Variants in BSN observed in about 807,000 individuals in gnomAD.
BSN encodes bassoon presynaptic cytomatrix protein.
Under a neutral mutation model 264.8 loss-of-function variants are expected in BSN, and 57 were observed. The observed-to-expected ratio is 0.22, with a 90% CI of 0.17 to 0.27. BSN has a LOEUF of 0.27. Ranked by LOEUF, BSN falls within the 10% of genes least tolerant of loss-of-function variation. The pLI is 1.00. For missense variants in BSN, 4,615 were observed against 5,232.5 expected (o/e 0.88, Z 3.64); for synonymous variants, 2,059 against 2,137.3 (o/e 0.96, Z 1.01).
intron 5 of BSN, among the ~76,000 whole-genome samples, chr3:49,658,831 T>G (rs2052632025): frequency 6.6e-6 from 1 of 152,166 alleles, no homozygotes; most frequent in South Asian, 2.1e-4. Flanking sequence ...TGGTTGTGGC[T>G]TTATTTGCCA....
In BSN at chr3:49,664,485, G is replaced by C. The variant is rs760457608; in HGVS notation, c.11671G>C (p.Asp3891His). The C allele has an allele frequency of 1.9e-6, 3 of 1,613,116 alleles. No individual in the cohort carries two copies. Among genetic ancestry groups the C allele is most frequent in the African/African-American group, 1.3e-5 (1 of 75,026 alleles). ...PGAPAGQPGADGESVFSKILP... is the reference protein window; with the variant it reads ...PGAPAGQPGAHGESVFSKILP... ...GGCTCCCGCCGGCCAGCCAGGTGCCGATGGGGAGAGCGTGTTCTCCAAGAT... is the reference window on the plus strand; with the variant it reads ...GGCTCCCGCCGGCCAGCCAGGTGCCCATGGGGAGAGCGTGTTCTCCAAGAT... Residue 3891 changes from aspartate (D) to histidine (H), a missense_variant, in exon 9 of 12, where the codon GAT becomes CAT. Physicochemically the swap from Asp to His is moderately conservative, Grantham distance 81. Around this residue, in one of 3 missense-constraint regions of BSN, gnomAD observed 3,415 missense variants for 3,866.4 expected, o/e 0.88. Coordinates refer to ENST00000296452, the MANE Select transcript of BSN (RefSeq NM_003458.4).
At chr3:49,554,870 T>C in intron 1 of BSN, 44 bp downstream of exon 1, 3 of 1,088,960 alleles carry the variant, frequency 2.8e-6, no homozygotes, top group Non-Finnish European at 3.4e-6. Flanking sequence ...AGCTGCAGCC[T>C]GAGGCCGGGA....
rs926999002 is a variant in BSN at position 49,638,086 on chromosome 3, C to T, written c.634-4182C>T. 1.3e-5 allele frequency among the ~76,000 whole-genome samples: 2 copies of T among 152,240 alleles called. No individual in the cohort carries two copies. The highest frequency in any genetic ancestry group is 4.8e-5 in the African/African-American group (2 of 41,462). ...TCAGGATCTTGGAGGTATTAGACAG[C>T]AGAACCCTAGCTGAGGCTTCTTGTC... is the stretch of plus-strand genomic sequence containing the variant. On this transcript the variant is annotated intron_variant, in intron 2 of 11. Coordinates refer to ENST00000296452, the MANE Select transcript of BSN (RefSeq NM_003458.4). This position sits in a 1 kb window ranked among gnomAD's most constrained non-coding sequence, Gnocchi z 4.3.
chr3:49,657,008 T>C lies in BSN; in HGVS notation c.7452T>C (p.Pro2484=). 6.8e-6 allele frequency: 11 copies of C among 1,610,436 alleles called. No homozygotes were observed. The highest frequency in any genetic ancestry group is 9.3e-6 in the Non-Finnish European group (11 of 1,177,810). The change falls in exon 5 of 12, where the codon CCT becomes CCC. Residue 2484 remains proline, a synonymous_variant. Transcript: ENST00000296452. ...CCTTTCCTGCAGCCTGTGAGGCACC[T>C]GGCCGAGGGCCTCCCCTAGCGGCTG... ...KAPFPAACEA[P]GRGPPLAAAE... is the part of the protein sequence containing the mutation.
intron 2 of BSN, chr3:49,641,494 C>T (rs1290700512): frequency 6.6e-6 from 1 of 152,200 alleles, no homozygotes; most frequent in Non-Finnish European, 1.5e-5. Context: ...ATGTGTTTAT[C>T]ACATGGATAG....
chr3:49,633,896 G>A (rs1409488935), intron 2 of BSN, among the ~76,000 whole-genome samples: 1 of 152,174 alleles, frequency 6.6e-6, no homozygotes, highest in Non-Finnish European at 1.5e-5. Flanking sequence ...AAGTAGAATG[G>A]TAGTTGTCAA....
At chr3:49,631,557 C>CA (rs1289540648) in intron 2 of BSN, among the ~76,000 whole-genome samples, 3,566 of 67,612 alleles carry the variant, frequency 0.053, 121 homozygotes, top group African/African-American at 0.14. Context: ...GACTCTGTCT[C>CA]AAAAAAAAAA....
chr3:49,663,750 C>G (rs761979505), intron 7 of BSN, 37 bp from the exon 8 acceptor site: 48 of 1,612,866 alleles, frequency 3.0e-5, no homozygotes, highest in Non-Finnish European at 3.6e-5. Flanking sequence ...CCAGGCTGGG[C>G]ATGGGCAGAA....
At chr3:49,605,597 ATATATAT>A (rs2052121523) in intron 1 of BSN, among the ~76,000 whole-genome samples, 1 of 18,530 alleles carries the variant, frequency 5.4e-5, no homozygotes, top group Admixed American at 1.2e-3. Flanking sequence ...TTTATATATA[ATATATAT>A]TATATATTAT....
At chr3:49,566,366 A>G (rs1467898691) in intron 1 of BSN, among the ~76,000 whole-genome samples, 1 of 152,184 alleles carries the variant, frequency 6.6e-6, no homozygotes, top group East Asian at 1.9e-4. Context: ...ATAAACTGGT[A>G]GTTAGATCTA....
rs1575455811 is a variant in BSN, at chr3:49,670,888, C to T, written c.*3403C>T. 6.6e-6 allele frequency: 1 copy of T among 152,210 alleles called. No homozygotes were observed. The highest frequency in any genetic ancestry group is 1.5e-5 in the Non-Finnish European group (1 of 68,044). 9.4% of individuals were successfully genotyped at this position (152,210 alleles called of 1,614,324 possible). A position where few individuals can be genotyped will look rare whatever the true frequency, so the allele number is the denominator to read the frequency against. On this transcript the variant is annotated 3_prime_UTR_variant, in exon 12 of 12. Transcript: ENST00000296452. ...CTGTAGGGAGTTTTCCAGGCAGGTC[C>T]TTTGCCAGGACAGCATGGTCCTGCC...
At chr3:49,567,000 A>T (rs2051756850) in intron 1 of BSN, among the ~76,000 whole-genome samples, 1 of 152,076 alleles carries the variant, frequency 6.6e-6, no homozygotes, top group Admixed American at 6.6e-5. Context: ...TGCACCAAAC[A>T]TTTATTAAAC....
chr3:49,568,150 G>C (rs908854824), intron 1 of BSN, among the ~76,000 whole-genome samples: 1 of 152,164 alleles, frequency 6.6e-6, no homozygotes, highest in Non-Finnish European at 1.5e-5. Flanking sequence ...TAAAAGGAGG[G>C]GACGTGGACT....
At chr3:49,587,887 T>TTTTAATTTTC (rs1553659702) in intron 1 of BSN, among the ~76,000 whole-genome samples, 1 of 121,598 alleles carries the variant, frequency 8.2e-6, no homozygotes, top group Non-Finnish European at 1.7e-5. Flanking sequence ...AAAGTTGGGG[T>TTTTAATTTTC]TTTTCTTTTC....
chr3:49,632,149 T>C (rs1172731548), intron 2 of BSN, among the ~76,000 whole-genome samples: 1 of 152,182 alleles, frequency 6.6e-6, no homozygotes, highest in Non-Finnish European at 1.5e-5. Flanking sequence ...TTGGACCTTT[T>C]CCTTACATCA....
rs111860031 is a variant in BSN at position 49,652,451 on chromosome 3, G to A, written c.2895G>A (p.Glu965=). The change falls in exon 5 of 12, where the codon GAG becomes GAA. Residue 965 remains glutamate, a synonymous_variant. Transcript: ENST00000296452. Reference sequence around the variant, plus strand: ...ACCGGGAGCCTGAGCTGGAGATGGAGAGCCTAACGGGCTCCCCTGAGGACC... The same window carrying A: ...ACCGGGAGCCTGAGCTGGAGATGGAAAGCCTAACGGGCTCCCCTGAGGACC... ...SLDREPELEM[E]SLTGSPEDRS... 2.9e-4 allele frequency: 470 copies of A among 1,613,530 alleles called. No individual in the cohort carries two copies. Among genetic ancestry groups the A allele is most frequent in the Middle Eastern group, 2.6e-3 (16 of 6,054 alleles).
In BSN at chr3:49,650,828, G is replaced by C; in HGVS notation, c.1735G>C (p.Ala579Pro). ...CAAGGCCAGCCCTCTATCCACCAAG[G>C]CCAGCCCTCTGCCCAGCAAGGCCAG... ...PAKASPLSTK[A>P]SPLPSKASPQ... Residue 579 changes from alanine to proline, a missense_variant, in exon 4 of 12, where the codon GCC becomes CCC. This residue lies in a region of BSN where 1,197 missense variants were observed against 1,348.0 expected (regional missense o/e 0.89). Coordinates refer to ENST00000296452, the MANE Select transcript of BSN (RefSeq NM_003458.4). 6.2e-7 allele frequency: 1 copy of C among 1,614,012 alleles called. No homozygotes were observed. The highest frequency in any genetic ancestry group is 1.1e-5 in the South Asian group (1 of 91,076).
In BSN at chr3:49,661,770, G is replaced by A; in HGVS notation, c.9925G>A (p.Glu3309Lys). ...GAAGGGTGGCCACCTCCGGAGCATG[G>A]AGAGCAATGGTCGACCAGCCAGTAC... The part of the protein sequence containing the change: ...RGKGGHLRSM[E>K]SNGRPASTHY... Residue 3309 changes from glutamate to lysine, a missense_variant, in exon 6 of 12, where the codon GAG (glutamate) becomes AAG (lysine). Coordinates refer to ENST00000296452, the MANE Select transcript of BSN (RefSeq NM_003458.4). 6.2e-7 allele frequency: 1 copy of A among 1,613,374 alleles called. No homozygotes were observed. Among genetic ancestry groups the A allele is most frequent in the Non-Finnish European group, 8.5e-7 (1 of 1,180,030 alleles).
In BSN at chr3:49,585,414, C is replaced by T. The variant is rs376868612; in HGVS notation, c.224+30588C>T. 4.6e-5 allele frequency among the ~76,000 whole-genome samples: 7 copies of T among 152,220 alleles called. No individual in the cohort carries two copies. In the East Asian group the frequency reaches 9.6e-4, roughly 21 times the overall value. The stretch of plus-strand genomic sequence containing the variant: ...CTCGTGCTTCTTCCTCTGGTGAGGC[C>T]GGCGCTCCCTTCCCAGGCCGCAGCG... On this transcript the variant is annotated intron_variant, in intron 1 of 11. Transcript: ENST00000296452. This position sits in a 1 kb window ranked among gnomAD's most constrained non-coding sequence, Gnocchi z 4.7.
Sources: gnomAD v4.1 joint callset for allele counts (sites outside exome capture counted in the v4.1 genomes callset) on GRCh38, gnomAD v4.1.1 for gene constraint, gnomAD v4.1.1 regional missense constraint, Gnocchi (gnomAD v3.1) non-coding constraint, MANE v1.5 for transcripts, NCBI Gene and HGNC (gene_info 2026-07-23, HGNC 2026-07-21) for gene names.